Variants in SMCO2 observed in about 807,000 individuals in gnomAD.
SMCO2 encodes single-pass membrane and coiled-coil domain-containing protein 2.
SMCO2 carries 25 observed loss-of-function variants against 29.5 expected under a neutral mutation model. The ratio of observed to expected loss-of-function variants is 0.85; its 90% CI spans 0.62 to 1.18. The LOEUF is 1.18. Ranked by LOEUF, SMCO2 falls within the 50% of genes most tolerant of loss-of-function variation. The pLI is 0.00. For missense variants in SMCO2, 348 were observed against 344.5 expected (o/e 1.01, Z -0.08); for synonymous variants, 117 against 123.3 (o/e 0.95, Z 0.34).
chr12:27,501,502 C>T (rs1389955835), intron 7 of SMCO2, among the ~76,000 whole-genome samples: 2 of 147,124 alleles, frequency 1.4e-5, no homozygotes, highest in Non-Finnish European at 3.0e-5. Context: ...GGTGCCAGGA[C>T]AAAAACTAGG....
Position 27,488,554 on chromosome 12 carries a change from TAG to T in SMCO2, c.450+11_450+12del. 6.5e-7 allele frequency: 1 copy of T among 1,528,538 alleles called. No individual in the cohort carries two copies. The highest frequency in any genetic ancestry group is 8.8e-7 in the Non-Finnish European group (1 of 1,137,134). 94.7% of individuals were successfully genotyped at this position (1,528,538 alleles called of 1,614,324 possible). A position where few individuals can be genotyped will look rare whatever the true frequency, so the allele number is the denominator to read the frequency against. ...TCAAGGGACAAGCACTGAGGTAAGC[TAG>T]AGACTTGGGAAAGACTGAGAGGTTG... On this transcript the variant is annotated splice_region_variant and intron_variant, in intron 5 of 7. Coordinates refer to ENST00000298876, the Ensembl canonical transcript of SMCO2.
intron 4 of SMCO2, among the ~76,000 whole-genome samples, chr12:27,479,507 C>A (rs776851059): frequency 5.3e-5 from 8 of 152,158 alleles, no homozygotes; most frequent in Non-Finnish European, 1.2e-4. Flanking sequence ...ATATCCATAT[C>A]GATAGCTGCA....
At chr12:27,447,289 A>G in the SMCO2 span, among the ~76,000 whole-genome samples, 3 of 152,262 alleles carry the variant, frequency 2.0e-5, no homozygotes, top group African/African-American at 7.2e-5. Context: ...AGTTCCCTGA[A>G]GATGATCTTG....
chr12:27,432,504 A>C, the SMCO2 span, among the ~76,000 whole-genome samples: 4 of 152,368 alleles, frequency 2.6e-5, no homozygotes, highest in Non-Finnish European at 4.4e-5. Context: ...GCTAATTTAT[A>C]CAACTATATA....
At chr12:27,467,828 G>A (rs1219144285) in intron 1 of SMCO2, among the ~76,000 whole-genome samples, 1 of 152,152 alleles carries the variant, frequency 6.6e-6, no homozygotes, top group Non-Finnish European at 1.5e-5. Flanking sequence ...ATGTGCCATG[G>A]TTGGCTAACC....
At chr12:27,434,326 C>T in the SMCO2 span, among the ~76,000 whole-genome samples, 7 of 152,252 alleles carry the variant, frequency 4.6e-5, no homozygotes, top group South Asian at 6.2e-4. Context: ...TTCCGAGACA[C>T]GCTACTGTTA....
the SMCO2 span, among the ~76,000 whole-genome samples, chr12:27,445,972 C>T: frequency 1.3e-5 from 2 of 151,692 alleles, no homozygotes; most frequent in Non-Finnish European, 2.9e-5. Context: ...GGCGTGATCT[C>T]AGCTCACTGT....
chr12:27,449,345 G>A, the SMCO2 span, among the ~76,000 whole-genome samples: 1 of 152,134 alleles, frequency 6.6e-6, no homozygotes, highest in African/African-American at 2.4e-5. Context: ...ATCTTTGTAA[G>A]GGACAAAATC....
chr12:27,455,673 A>G, the SMCO2 span, among the ~76,000 whole-genome samples: 1 of 152,236 alleles, frequency 6.6e-6, no homozygotes, highest in Non-Finnish European at 1.5e-5. Context: ...AAGGACATTC[A>G]TTGTAGCATT....
the SMCO2 span, among the ~76,000 whole-genome samples, chr12:27,440,705 AGTT>A: frequency 7.2e-6 from 1 of 139,374 alleles, no homozygotes; most frequent in Non-Finnish European, 1.5e-5. Context: ...ATCTAGGATA[AGTT>A]GTTATCTCTT....
chr12:27,457,873 G>A, the SMCO2 span, among the ~76,000 whole-genome samples: 1 of 152,220 alleles, frequency 6.6e-6, no homozygotes, highest in Admixed American at 6.5e-5. Context: ...GGGGAGGTAG[G>A]ATGGTTGATG....
the SMCO2 span, among the ~76,000 whole-genome samples, chr12:27,447,451 G>A: frequency 7.9e-5 from 12 of 151,946 alleles, no homozygotes; most frequent in African/African-American, 2.7e-4. Context: ...CAGCCTCTTC[G>A]GGAGCTTGTT....
At chr12:27,427,289 C>G in the SMCO2 span, among the ~76,000 whole-genome samples, 1 of 152,138 alleles carries the variant, frequency 6.6e-6, no homozygotes, top group African/African-American at 2.4e-5. Context: ...CTCCTCACGC[C>G]CATAATTTCT....
At chr12:27,443,364 C>T in the SMCO2 span, among the ~76,000 whole-genome samples, 5 of 152,108 alleles carry the variant, frequency 3.3e-5, no homozygotes, top group Non-Finnish European at 4.4e-5. Flanking sequence ...AGGAACATAC[C>T]TCAAAATAAT....
upstream of SMCO2, among the ~76,000 whole-genome samples, chr12:27,465,606 C>G (rs1478653234): frequency 1.3e-5 from 2 of 152,188 alleles, no homozygotes; most frequent in African/African-American, 2.4e-5. Flanking sequence ...AAAAATCATG[C>G]CTACCATGTA....
At position 27,501,910 on chromosome 12, in the gene SMCO2, T is replaced by C; in HGVS notation, c.684-13T>C. ...CAGAATTTGGTTAACACAGATGTTT[T>C]CTCTCTTTGTAGGAAACGTGCACTG... On this transcript the variant is annotated splice_polypyrimidine_tract_variant and intron_variant, in intron 7 of 7. Transcript: ENST00000298876. 1.3e-6 allele frequency: 2 copies of C among 1,506,240 alleles called. No individual in the cohort carries two copies. The highest frequency in any genetic ancestry group is 1.8e-6 in the Non-Finnish European group (2 of 1,125,952). 93.3% of individuals were successfully genotyped at this position (1,506,240 alleles called of 1,614,324 possible).
the SMCO2 span, among the ~76,000 whole-genome samples, chr12:27,458,163 C>T: frequency 0.58 from 87,591 of 151,940 alleles, 26,024 homozygotes; most frequent in Middle Eastern, 0.69. Context: ...TTAACTTAAG[C>T]GCATTAGTAT....
rs924599814 is a variant in SMCO2 at position 27,488,430 on chromosome 12, G to T, written c.363-30G>T. ...TCTCTTGGGTGATTTTTCTTAATCT[G>T]CAGGCCTTAGTATCTTGGTCTGTTT... is the stretch of plus-strand genomic sequence containing the variant. On this transcript the variant is annotated intron_variant, in intron 4 of 7. Coordinates refer to ENST00000298876, the Ensembl canonical transcript of SMCO2. The T allele has an allele frequency of 1.5e-5, 21 of 1,409,140 alleles. No homozygotes were observed. In the Admixed American group the frequency reaches 1.9e-4, roughly 13 times the overall value. The allele number at this position is 1,409,140 out of a possible 1,614,324, so 87.3% of individuals were successfully genotyped here.
At chr12:27,443,122 A>T in the SMCO2 span, among the ~76,000 whole-genome samples, 1 of 152,228 alleles carries the variant, frequency 6.6e-6, no homozygotes, top group Non-Finnish European at 1.5e-5. Context: ...TCAACAAAAT[A>T]CTAGCAAACT....
Sources: allele counts gnomAD v4.1 joint callset (sites outside exome capture counted in the v4.1 genomes callset), GRCh38; gene constraint gnomAD v4.1.1; transcripts MANE v1.5; gene names NCBI Gene and HGNC (gene_info 2026-07-23, HGNC 2026-07-21).